The following TENT5C variants were observed in gnomAD, a reference collection of about 807,000 sequenced individuals.
The protein encoded by TENT5C is terminal nucleotidyltransferase 5C.
A neutral mutation model predicts 22.2 loss-of-function variants in TENT5C; 5 were observed. The observed-to-expected ratio is 0.22, with a 90% CI of 0.12 to 0.47. The LOEUF is 0.47. Ranked by LOEUF, TENT5C falls within the 20% of genes least tolerant of loss-of-function variation. TENT5C has a pLI of 0.99. For missense variants in TENT5C, 364 were observed against 500.9 expected (o/e 0.73, Z 2.61); for synonymous variants, 199 against 195.4 (o/e 1.02, Z -0.15).
chr1:117,616,706 A>C (rs150025701), intron 1 of TENT5C, among the ~76,000 whole-genome samples: 17 of 152,320 alleles, frequency 1.1e-4, no homozygotes, highest in Non-Finnish European at 1.9e-4. Flanking sequence ...AGTGAAAGAG[A>C]ATTTGTCCCC....
Position 117,623,567 on chromosome 1 carries a change from C to G in TENT5C, c.699C>G (p.Thr233=). ...ATCTGCAGAACAGACTGATCGCCAC[C>G]AAGAACCCAGAAGAAATCAGAGGCG... ...FDHLQNRLIA[T]KNPEEIRGGG... Residue 233 remains threonine (T), a synonymous_variant, in exon 2 of 2, where the codon ACC becomes ACG. Transcript: ENST00000369448. 1 of 1,613,998 alleles carries G rather than the reference C, an allele frequency of 6.2e-7. No homozygotes were observed. Among genetic ancestry groups the G allele is most frequent in the Non-Finnish European group, 8.5e-7 (1 of 1,180,016 alleles).
rs1026361564 is a variant in TENT5C at position 117,625,159 on chromosome 1, A to G, written c.*1115A>G. Reference sequence around the variant, plus strand: ...CCTTCTCCAGGTGTGTTTGACAGCAACTCAATTCAGGAATTTCGGTAGAAC... The same window carrying G: ...CCTTCTCCAGGTGTGTTTGACAGCAGCTCAATTCAGGAATTTCGGTAGAAC... On this transcript the variant is annotated 3_prime_UTR_variant, in exon 2 of 2. Coordinates refer to ENST00000369448, the MANE Select transcript of TENT5C (RefSeq NM_017709.4). The G allele has an allele frequency of 4.0e-5, 10 of 247,636 alleles. No individual in the cohort carries two copies. The highest frequency in any genetic ancestry group is 6.0e-5 in the East Asian group (1 of 16,568). 15.3% of individuals were successfully genotyped at this position (247,636 alleles called of 1,614,324 possible). A position where few individuals can be genotyped will look rare whatever the true frequency, so the allele number is the denominator to read the frequency against.
At chr1:117,609,716 C>A (rs897981794) in intron 1 of TENT5C, among the ~76,000 whole-genome samples, 1 of 152,228 alleles carries the variant, frequency 6.6e-6, no homozygotes, top group Non-Finnish European at 1.5e-5. Flanking sequence ...GGCATATGAG[C>A]GCCGGAAAGC....
Position 117,626,164 on chromosome 1 carries a change from A to G in TENT5C, c.*2120A>G. On this transcript the variant is annotated 3_prime_UTR_variant, in exon 2 of 2. Transcript: ENST00000369448. ...AGCCACCAACATAAGCACTTGCCTA[A>G]CAGAAATCAGTATTTCTTCTACTTA... 1.2e-5 allele frequency: 3 copies of G among 242,930 alleles called. No individual in the cohort carries two copies. Among genetic ancestry groups the G allele is most frequent in the Non-Finnish European group, 2.6e-5 (3 of 116,360 alleles). The allele number at this position is 242,930 out of a possible 1,614,324, so 15.0% of individuals were successfully genotyped here. A position where few individuals can be genotyped will look rare whatever the true frequency, so the allele number is the denominator to read the frequency against.
chr1:117,626,443 G>A lies in TENT5C; in HGVS notation c.*2399G>A, dbSNP rs942026958. On this transcript the variant is annotated 3_prime_UTR_variant, in exon 2 of 2. Transcript: ENST00000369448. ...CTTTTTAGTCAGCTCAGATCTTTTT[G>A]TAGTTTGAGAATAGACCTATTCAAG... 1 of 247,784 alleles carries A rather than the reference G, an allele frequency of 4.0e-6. No homozygotes were observed. The highest frequency in any genetic ancestry group is 2.2e-5 in the African/African-American group (1 of 45,314). The allele number at this position is 247,784 out of a possible 1,614,324, so 15.3% of individuals were successfully genotyped here.
intron 1 of TENT5C, among the ~76,000 whole-genome samples, chr1:117,621,418 A>G (rs1250004600): frequency 6.6e-6 from 1 of 152,088 alleles, no homozygotes; most frequent in Non-Finnish European, 1.5e-5. Flanking sequence ...GGAGTTGTCT[A>G]CACAACACAC....
chr1:117,607,600 A>G (rs2101071062), intron 1 of TENT5C, among the ~76,000 whole-genome samples: 1 of 152,266 alleles, frequency 6.6e-6, no homozygotes, highest in East Asian at 1.9e-4. Context: ...TGCGTGCAGG[A>G]AAGAGGGTGA....
chr1:117,616,292 A>G (rs572243557), intron 1 of TENT5C, among the ~76,000 whole-genome samples: 1 of 152,204 alleles, frequency 6.6e-6, no homozygotes, highest in East Asian at 1.9e-4. Flanking sequence ...ACACCTCTAC[A>G]CCCTTCATTT....
intron 1 of TENT5C, among the ~76,000 whole-genome samples, chr1:117,618,396 G>A (rs1259860995): frequency 6.6e-6 from 1 of 151,600 alleles, no homozygotes; most frequent in Non-Finnish European, 1.5e-5. Flanking sequence ...GAGAGTCTGA[G>A]GTTTTTTTTT....
At chr1:117,612,066 AG>A (rs1653680605) in intron 1 of TENT5C, among the ~76,000 whole-genome samples, 1 of 152,218 alleles carries the variant, frequency 6.6e-6, no homozygotes, top group African/African-American at 2.4e-5. Context: ...TTCACTCTCA[AG>A]TTCTGATTCT....
chr1:117,617,952 G>A (rs1653821338), intron 1 of TENT5C, among the ~76,000 whole-genome samples: 1 of 152,190 alleles, frequency 6.6e-6, no homozygotes, highest in Non-Finnish European at 1.5e-5. Context: ...ATAGGCACAA[G>A]TGACTTATTT....
intron 1 of TENT5C, among the ~76,000 whole-genome samples, chr1:117,616,932 C>T (rs975322443): frequency 6.6e-6 from 1 of 152,176 alleles, no homozygotes; most frequent in Non-Finnish European, 1.5e-5. Context: ...ATATGCAGTC[C>T]TTAACTTGAT....
Position 117,624,028 on chromosome 1 carries a change from G to T in TENT5C, c.1160G>T (p.Trp387Leu). Reference protein sequence around the residue: ...PVTYSQPYPTWLPCN With the variant: ...PVTYSQPYPTLLPCN ...ACCTACAGCCAGCCTTACCCTACCT[G>T]GCTGCCCTGTAACTAACCTTGAGAC... The change falls in exon 2 of 2, where the codon TGG (tryptophan) becomes TTG (leucine). Residue 387 changes from tryptophan (W) to leucine (L), a missense_variant. By Grantham distance (61) the Trp-to-Leu change is moderately conservative. This residue lies in a region of TENT5C where 54 missense variants were observed against 76.5 expected (regional missense o/e 0.71). Coordinates refer to ENST00000369448, the MANE Select transcript of TENT5C (RefSeq NM_017709.4). 6.2e-7 allele frequency: 1 copy of T among 1,612,628 alleles called. No homozygotes were observed. The highest frequency in any genetic ancestry group is 1.1e-5 in the South Asian group (1 of 90,704).
chr1:117,622,719 CAGTA>C (rs753971531), intron 1 of TENT5C, 119 bp from the exon 2 acceptor site: 112 of 664,898 alleles, frequency 1.7e-4, no homozygotes, highest in Admixed American at 6.9e-4. Flanking sequence ...CAACACTGAG[CAGTA>C]AGTGCTATTT....
chr1:117,608,079 T>TA (rs35986908), intron 1 of TENT5C, among the ~76,000 whole-genome samples: 36,242 of 141,108 alleles, frequency 0.26, 4,384 homozygotes, highest in Admixed American at 0.33. Flanking sequence ...TAACAAAGTT[T>TA]AAAAAAAAAA....
intron 1 of TENT5C, among the ~76,000 whole-genome samples, chr1:117,612,959 G>A (rs1410288306): frequency 2.0e-5 from 3 of 152,194 alleles, no homozygotes; most frequent in African/African-American, 7.2e-5. Context: ...GATGAAACCC[G>A]GAGGCTGTCA....
chr1:117,610,865 A>G (rs985305326), intron 1 of TENT5C, among the ~76,000 whole-genome samples: 1 of 152,088 alleles, frequency 6.6e-6, no homozygotes, highest in African/African-American at 2.4e-5. Context: ...CTTCTTTTCT[A>G]GTTCTTAAAT....
At position 117,623,148 on chromosome 1, in the gene TENT5C, A is replaced by G; in HGVS notation, c.280A>G (p.Ile94Val). The G allele has an allele frequency of 6.2e-7, 1 of 1,614,200 alleles. No homozygotes were observed. Among genetic ancestry groups the G allele is most frequent in the Non-Finnish European group, 8.5e-7 (1 of 1,180,040 alleles). The change falls in exon 2 of 2, where the codon ATC (isoleucine) becomes GTC (valine). Residue 94 changes from isoleucine (I) to valine (V), a missense_variant. Ile to Val is a conservative substitution (Grantham distance 29, BLOSUM62 3). Around this residue, in one of 3 missense-constraint regions of TENT5C, gnomAD observed 303 missense variants for 394.5 expected, o/e 0.77. Transcript: ENST00000369448. ...NGLGCKDLDL[I>V]FHVALPTEAE... The stretch of plus-strand genomic sequence containing the variant: ...CTTGGGCTGCAAAGACCTGGACCTA[A>G]TCTTCCATGTGGCTCTTCCAACAGA...
intron 1 of TENT5C, among the ~76,000 whole-genome samples, chr1:117,608,112 T>C (rs1029504516): frequency 3.3e-5 from 5 of 150,950 alleles, no homozygotes; most frequent in African/African-American, 1.2e-4. Context: ...AGGAGGCCTC[T>C]AAATTGTTAC....
Sources: allele counts gnomAD v4.1 joint callset (sites outside exome capture counted in the v4.1 genomes callset), GRCh38; gene constraint gnomAD v4.1.1; regional missense constraint gnomAD v4.1.1; transcripts MANE v1.5; gene names NCBI Gene and HGNC (gene_info 2026-07-23, HGNC 2026-07-21).